Variants in MDFIC2 observed in about 807,000 individuals in gnomAD.
MDFIC2 encodes the protein MyoD family inhibitor domain containing 2.
chr3:70,263,079 C>T (rs904939726), intron 2 of MDFIC2, among the ~76,000 whole-genome samples: 8 of 152,024 alleles, frequency 5.3e-5, no homozygotes, highest in South Asian at 2.1e-4. Context: ...GTTTGTCTTT[C>T]CTCTATATCT....
At chr3:70,280,904 C>T (rs1702076273) in intron 2 of MDFIC2, among the ~76,000 whole-genome samples, 1 of 152,152 alleles carries the variant, frequency 6.6e-6, no homozygotes, top group Admixed American at 6.5e-5. Context: ...ATAGGACTTG[C>T]TGGGTTTCCC....
intron 2 of MDFIC2, among the ~76,000 whole-genome samples, chr3:70,208,376 A>G (rs1282010962): frequency 6.6e-6 from 1 of 151,988 alleles, no homozygotes; most frequent in African/African-American, 2.4e-5. Context: ...GTCCATCTTT[A>G]TTTCCCTTTC....
chr3:70,270,198 A>C (rs1701963373), intron 2 of MDFIC2, among the ~76,000 whole-genome samples: 2 of 152,212 alleles, frequency 1.3e-5, no homozygotes, highest in Admixed American at 1.3e-4. Flanking sequence ...ACTTTGAAAA[A>C]AAGTGGTGGA....
At chr3:70,211,387 TTTCCCTTCCCTTCCTTTTG>T (rs1701344852) in intron 2 of MDFIC2, among the ~76,000 whole-genome samples, 1 of 3,660 alleles carries the variant, frequency 2.7e-4, no homozygotes. Context: ...CTTTCCTTCC[TTTCCCTTCCCTTCCTTTTG>T]CCCTTCCCTT....
chr3:70,263,484 C>T (rs1026361668), intron 2 of MDFIC2, among the ~76,000 whole-genome samples: 2 of 152,110 alleles, frequency 1.3e-5, no homozygotes, highest in Admixed American at 6.6e-5. Flanking sequence ...AGATGTTTCT[C>T]CTCTTGGGCT....
rs540145666 is a variant in MDFIC2 at position 70,306,423 on chromosome 3, T to C, written c.88+5463A>G. On this transcript the variant is annotated intron_variant, in intron 2 of 3. Coordinates refer to ENST00000567252, the MANE Select transcript of MDFIC2 (RefSeq NM_001364677.1). ...ACCTCACCCGGCCAATAATCGTTTT[T>C]ATATCATCAAAGATTGAAGTCGTCA... Among the ~76,000 whole-genome samples, 11 of 152,300 alleles carry C rather than the reference T, an allele frequency of 7.2e-5. No homozygotes were observed. The South Asian group carries it at 2.3e-3, about 32-fold the overall frequency.
intron 2 of MDFIC2, among the ~76,000 whole-genome samples, chr3:70,258,691 G>T (rs1268912800): frequency 6.6e-6 from 1 of 152,106 alleles, no homozygotes; most frequent in African/African-American, 2.4e-5. Context: ...AAAGCTTTAT[G>T]TATAAGAATG....
At chr3:70,258,992 G>A (rs753775908) in intron 2 of MDFIC2, among the ~76,000 whole-genome samples, 3 of 151,886 alleles carry the variant, frequency 2.0e-5, no homozygotes, top group Non-Finnish European at 4.4e-5. Context: ...ATAAAGAAGG[G>A]TGCAAGATAT....
chr3:70,203,741 C>G lies in MDFIC2; in HGVS notation c.310+2828G>C, dbSNP rs151253619. ...ATCTTGTATTTATGATTTTCCTCTT[C>G]CACCTGGATGAGATGTCTCAAATTC... On this transcript the variant is annotated intron_variant, in intron 3 of 3. Coordinates refer to ENST00000567252, the MANE Select transcript of MDFIC2 (RefSeq NM_001364677.1). 1.4e-3 allele frequency among the ~76,000 whole-genome samples: 218 copies of G among 152,166 alleles called. 1 individual carries two copies. The Middle Eastern group carries it at 0.02, about 14-fold the overall frequency.
At chr3:70,249,163 T>C (rs142120984) in intron 2 of MDFIC2, 24 of 152,332 alleles carry the variant, frequency 1.6e-4, no homozygotes, top group African/African-American at 5.8e-4. Flanking sequence ...GACCAAGTTC[T>C]ACATTAGGAA....
At chr3:70,279,306 T>G (rs778032812) in intron 2 of MDFIC2, among the ~76,000 whole-genome samples, 5 of 152,208 alleles carry the variant, frequency 3.3e-5, no homozygotes, top group Middle Eastern at 3.4e-3. Flanking sequence ...CAAATCATCC[T>G]TGAACACATA....
At chr3:70,208,168 G>A (rs574430267) in intron 2 of MDFIC2, among the ~76,000 whole-genome samples, 1 of 152,184 alleles carries the variant, frequency 6.6e-6, no homozygotes, top group South Asian at 2.1e-4. Flanking sequence ...ACCTGAACAA[G>A]CAACAGTCCT....
At chr3:70,205,584 G>A (rs1701282041) in intron 3 of MDFIC2, 1 of 151,954 alleles carries the variant, frequency 6.6e-6, no homozygotes, top group Admixed American at 6.6e-5. Context: ...ACCCCATGGT[G>A]TGAACTAGCC....
chr3:70,243,894 A>G (rs1360687903), intron 2 of MDFIC2, among the ~76,000 whole-genome samples: 1 of 152,144 alleles, frequency 6.6e-6, no homozygotes, highest in Non-Finnish European at 1.5e-5. Context: ...AAAATACTGT[A>G]ATAATTGTCT....
chr3:70,287,410 A>G (rs1484831965), intron 2 of MDFIC2, among the ~76,000 whole-genome samples: 1 of 151,514 alleles, frequency 6.6e-6, no homozygotes, highest in African/African-American at 2.4e-5. Context: ...GATGAAGCCC[A>G]CTTGATCATG....
At position 70,290,602 on chromosome 3, in the gene MDFIC2, C is replaced by T. The variant is rs575090871; in HGVS notation, c.88+21284G>A. ...GTGGGCTCCACCCAGTTCGAGTTTC[C>T]GGGCTGTTTTGATTACCTCAGCAAG... On this transcript the variant is annotated intron_variant, in intron 2 of 3. Transcript: ENST00000567252. Among the ~76,000 whole-genome samples, 205 of 152,320 alleles carry T rather than the reference C, an allele frequency of 1.3e-3. 1 individual carries two copies. The highest frequency in any genetic ancestry group is 1.2e-3 in the African/African-American group (51 of 41,582).
intron 2 of MDFIC2, among the ~76,000 whole-genome samples, chr3:70,241,247 G>A (rs1470426113): frequency 1.3e-5 from 2 of 152,244 alleles, no homozygotes; most frequent in East Asian, 3.9e-4. Flanking sequence ...CTTTAGAGGT[G>A]TGTCTTTATA....
chr3:70,288,157 T>A (rs1447060208), intron 2 of MDFIC2, among the ~76,000 whole-genome samples: 2 of 145,106 alleles, frequency 1.4e-5, no homozygotes, highest in African/African-American at 2.6e-5. Context: ...TGTTAGGGTG[T>A]CAATTTTGGA....
Position 70,208,542 on chromosome 3 carries a change from C to T in MDFIC2, c.89-1752G>A, listed in dbSNP as rs1050293036. 2.6e-5 allele frequency among the ~76,000 whole-genome samples: 4 copies of T among 152,064 alleles called. No individual in the cohort carries two copies. The South Asian group carries it at 8.3e-4, about 32-fold the overall frequency. The stretch of plus-strand genomic sequence containing the variant: ...CTCTGGTATTCCCCTATTCAGGAGA[C>T]CAATTAAATCACAATCCTTGGTGGG... On this transcript the variant is annotated intron_variant, in intron 2 of 3. Coordinates refer to ENST00000567252, the MANE Select transcript of MDFIC2 (RefSeq NM_001364677.1).
Sources: gnomAD v4.1 joint callset for allele counts (sites outside exome capture counted in the v4.1 genomes callset) on GRCh38, gnomAD v4.1.1 for gene constraint, MANE v1.5 for transcripts, NCBI Gene and HGNC (gene_info 2026-07-23, HGNC 2026-07-21) for gene names.